The following CCSER1 variants were observed in gnomAD, a reference collection of about 807,000 sequenced individuals.
The protein encoded by CCSER1 is serine-rich coiled-coil domain-containing protein 1.
CCSER1 carries 41 observed loss-of-function variants against 82.0 expected under a neutral mutation model. That is an observed-to-expected ratio of 0.50 (90% CI 0.39 to 0.65). The LOEUF is 0.65. CCSER1 is among the 30% of genes least tolerant of loss of function. CCSER1 has a pLI of 0.00. For missense variants in CCSER1, 1,119 were observed against 1,064.2 expected (o/e 1.05, Z -0.72); for synonymous variants, 414 against 383.9 (o/e 1.08, Z -0.92).
Position 90,465,320 on chromosome 4 carries a change from CT to C in CCSER1, c.1604-2896del, listed in dbSNP as rs1157811263. ...GCGCCCAGGCAGCACTTTCCGTGTT[CT>C]TTTTTTTTTTTTTTTTTGAGGTGCA... On this transcript the variant is annotated intron_variant, in intron 4 of 10. Transcript: ENST00000509176. Among the ~76,000 whole-genome samples the C allele has an allele frequency of 6.0e-3, 793 of 131,928 alleles. 5 individuals carry two copies. The highest frequency in any genetic ancestry group is 0.017 in the African/African-American group (606 of 35,720). The allele number at this position is 131,928 out of a possible 152,430, so 86.5% of individuals were successfully genotyped here.
rs758556779 is a variant in CCSER1, at chr4:90,628,112, T to G, written c.1812T>G (p.Asp604Glu). Reference sequence around the variant, plus strand: ...GAATGCCCAACAGTCCATCTGCGGATTGGCCTCTACAAGGTGTGGAAGAAA... The same window carrying G: ...GAATGCCCAACAGTCCATCTGCGGAGTGGCCTCTACAAGGTGTGGAAGAAA... ...ISRMPNSPSA[D>E]WPLQGVEENG... Residue 604 changes from aspartate (D) to glutamate (E), a missense_variant, in exon 6 of 11, where the codon GAT becomes GAG. Coordinates refer to ENST00000509176, the MANE Select transcript of CCSER1 (RefSeq NM_001145065.2). 6 of 1,613,750 alleles carry G rather than the reference T, an allele frequency of 3.7e-6. No homozygotes were observed. The East Asian group carries it at 1.3e-4, about 36-fold the overall frequency.
At chr4:91,483,280 T>C (rs1758045541) in intron 10 of CCSER1, among the ~76,000 whole-genome samples, 1 of 152,114 alleles carries the variant, frequency 6.6e-6, no homozygotes, top group African/African-American at 2.4e-5. Context: ...GGTAAGAATT[T>C]GATGTTACAT....
At chr4:90,168,747 T>G (rs190533401) in intron 1 of CCSER1, among the ~76,000 whole-genome samples, 1,790 of 147,778 alleles carry the variant, frequency 0.012, 57 homozygotes, top group African/African-American at 0.042. Context: ...TTTCCCCATT[T>G]CTTGTTTTTG....
chr4:90,286,890 A>C (rs1006323688), intron 1 of CCSER1, among the ~76,000 whole-genome samples: 1 of 151,974 alleles, frequency 6.6e-6, no homozygotes, highest in Non-Finnish European at 1.5e-5. Context: ...TGCTACAAAG[A>C]GGTGTTCTTT....
intron 9 of CCSER1, among the ~76,000 whole-genome samples, chr4:90,966,221 A>C (rs1182545199): frequency 3.9e-5 from 6 of 152,106 alleles, no homozygotes; most frequent in Non-Finnish European, 8.8e-5. Context: ...GAATTTTCTT[A>C]AATGTTATGA....
At chr4:91,459,947 A>G (rs970028554) in intron 10 of CCSER1, among the ~76,000 whole-genome samples, 1 of 152,100 alleles carries the variant, frequency 6.6e-6, no homozygotes, top group African/African-American at 2.4e-5. Flanking sequence ...GACTAAGAAA[A>G]AAGCCTAAGA....
intron 10 of CCSER1, among the ~76,000 whole-genome samples, chr4:91,424,001 CTTTT>C (rs1167472932): frequency 1.3e-5 from 1 of 77,454 alleles, no homozygotes; most frequent in African/African-American, 5.3e-5. Context: ...CTCAGCAGAT[CTTTT>C]TTTTTTTTTT....
At chr4:90,954,840 C>T (rs1014839602) in intron 9 of CCSER1, among the ~76,000 whole-genome samples, 9 of 152,036 alleles carry the variant, frequency 5.9e-5, no homozygotes, top group South Asian at 4.1e-4. Context: ...GTTAAAACAA[C>T]TTCTCTAACT....
chr4:90,271,860 ATATTTTTTTTTTTTTTT>A lies in CCSER1; in HGVS notation c.-41-36382_-41-36366del, dbSNP rs1252609177. On this transcript the variant is annotated intron_variant, in intron 1 of 10. Coordinates refer to ENST00000509176, the MANE Select transcript of CCSER1 (RefSeq NM_001145065.2). ...TATATATATATATATATATATATATATATTTTTTTTTTTTTTTTTTTTTTTTTTTTAAAAGGAGGTTT... is the reference window on the plus strand; with the variant it reads ...TATATATATATATATATATATATATATTTTTTTTTTTTTAAAAGGAGGTTT... 2.2e-3 allele frequency among the ~76,000 whole-genome samples: 49 copies of A among 22,220 alleles called. No homozygotes were observed. In the African/African-American group the frequency reaches 0.022, roughly 10 times the overall value. The allele number at this position is 22,220 out of a possible 152,430, so 14.6% of individuals were successfully genotyped here.
chr4:90,490,839 T>C (rs1386277672), intron 5 of CCSER1, among the ~76,000 whole-genome samples: 3 of 152,114 alleles, frequency 2.0e-5, no homozygotes, highest in Non-Finnish European at 4.4e-5. Context: ...TGCAGATGTG[T>C]GGTATTATTT....
At chr4:90,133,073 T>C (rs896555450) in intron 1 of CCSER1, among the ~76,000 whole-genome samples, 2 of 152,214 alleles carry the variant, frequency 1.3e-5, no homozygotes, top group Non-Finnish European at 2.9e-5. Flanking sequence ...GTGATTCTTA[T>C]GCACTCTAGA....
At chr4:90,310,262 G>A (rs1394605134) in intron 2 of CCSER1, among the ~76,000 whole-genome samples, 1 of 151,986 alleles carries the variant, frequency 6.6e-6, no homozygotes, top group African/African-American at 2.4e-5. Flanking sequence ...TAAAAAAAGT[G>A]TTAGTATATG....
intron 4 of CCSER1, chr4:90,403,784 A>T (rs966640224): frequency 1.3e-5 from 2 of 152,186 alleles, no homozygotes; most frequent in Non-Finnish European, 2.9e-5. Flanking sequence ...AGGGCTTACT[A>T]TAATGGCCAA....
In CCSER1 at chr4:90,485,515, T is replaced by TCC. The variant is rs1237744964; in HGVS notation, c.1724+17162_1724+17163dup. On this transcript the variant is annotated intron_variant, in intron 5 of 10. Transcript: ENST00000509176. Reference sequence around the variant, plus strand: ...GCTGTTCCTATTCGGCCATCTTGGCTCCACCCCCCCCCCCCAATTTAACTT... The same window carrying TCC: ...GCTGTTCCTATTCGGCCATCTTGGCTCCCCACCCCCCCCCCCCAATTTAACTT... 1.5e-4 allele frequency among the ~76,000 whole-genome samples: 19 copies of TCC among 129,154 alleles called. No homozygotes were observed. The South Asian group carries it at 1.5e-3, about 10-fold the overall frequency. 84.7% of individuals were successfully genotyped at this position (129,154 alleles called of 152,430 possible).
chr4:90,569,229 A>G (rs1779808579), intron 5 of CCSER1, among the ~76,000 whole-genome samples: 1 of 152,298 alleles, frequency 6.6e-6, no homozygotes, highest in Non-Finnish European at 1.5e-5. Context: ...ACAATACAAA[A>G]TAAGAAAAAA....
At chr4:90,767,705 C>T (rs1204742996) in intron 7 of CCSER1, among the ~76,000 whole-genome samples, 8 of 151,912 alleles carry the variant, frequency 5.3e-5, no homozygotes, top group African/African-American at 1.2e-4. Flanking sequence ...GTCTCGTTCT[C>T]GCTCTGTCAC....
At chr4:90,494,984 T>C (rs748896883) in intron 5 of CCSER1, among the ~76,000 whole-genome samples, 13 of 152,150 alleles carry the variant, frequency 8.5e-5, no homozygotes, top group Non-Finnish European at 1.9e-4. Context: ...TTCTGTAGCT[T>C]CTGTTCATTC....
At chr4:90,805,157 T>G (rs1437840210) in intron 7 of CCSER1, among the ~76,000 whole-genome samples, 1 of 152,190 alleles carries the variant, frequency 6.6e-6, no homozygotes, top group Non-Finnish European at 1.5e-5. Flanking sequence ...AACTATAATT[T>G]TATTTAGTTC....
intron 6 of CCSER1, among the ~76,000 whole-genome samples, chr4:90,700,717 A>C (rs62314430): frequency 6.6e-6 from 1 of 151,946 alleles, no homozygotes; most frequent in African/African-American, 2.4e-5. Context: ...TGTGATTTTG[A>C]TTTGCATTTC....
Sources: allele counts gnomAD v4.1 joint callset (sites outside exome capture counted in the v4.1 genomes callset), GRCh38; gene constraint gnomAD v4.1.1; transcripts MANE v1.5; gene names NCBI Gene and HGNC (gene_info 2026-07-23, HGNC 2026-07-21).